The following BST1 variants were observed in gnomAD, a reference collection of about 807,000 sequenced individuals.
BST1 encodes bone marrow stromal cell antigen 1.
BST1 carries 49 observed loss-of-function variants against 40.6 expected under a neutral mutation model. The ratio of observed to expected loss-of-function variants is 1.21; its 90% CI spans 0.96 to 1.53. BST1 has a LOEUF of 1.53. Among genes scored for constraint, BST1 ranks in the 40% most tolerant of loss-of-function variants. The pLI is 0.00. For missense variants in BST1, 423 were observed against 395.9 expected (o/e 1.07, Z -0.58); for synonymous variants, 157 against 159.3 (o/e 0.99, Z 0.11).
the BST1 span, among the ~76,000 whole-genome samples, chr4:15,744,026 G>A: frequency 1.3e-5 from 2 of 152,176 alleles, no homozygotes; most frequent in Non-Finnish European, 2.9e-5. Flanking sequence ...CTTGGGGGAT[G>A]GGATCTTGTC....
chr4:15,755,351 C>G, the BST1 span, among the ~76,000 whole-genome samples: 5 of 152,090 alleles, frequency 3.3e-5, no homozygotes, highest in Non-Finnish European at 7.4e-5. Context: ...GTTTGTCTGG[C>G]TGGTCTTGAA....
chr4:15,757,634 T>A, the BST1 span, among the ~76,000 whole-genome samples: 3 of 151,992 alleles, frequency 2.0e-5, no homozygotes, highest in Admixed American at 1.3e-4. Context: ...CTTTTAAAAA[T>A]TTTATTTATT....
the BST1 span, among the ~76,000 whole-genome samples, chr4:15,747,444 T>G: frequency 2.0e-5 from 3 of 152,168 alleles, no homozygotes; most frequent in Non-Finnish European, 4.4e-5. Flanking sequence ...ATGATATCAC[T>G]ACCATCAATC....
chr4:15,704,040 GGT>G (rs1162993331), intron 1 of BST1, among the ~76,000 whole-genome samples: 7 of 146,348 alleles, frequency 4.8e-5, no homozygotes, highest in African/African-American at 1.8e-4. Flanking sequence ...GTGTTCTAGA[GGT>G]GTGTGTGTAT....
chr4:15,735,427 G>T (rs144953711), downstream of BST1, among the ~76,000 whole-genome samples: 1 of 152,248 alleles, frequency 6.6e-6, no homozygotes, highest in East Asian at 1.9e-4. Flanking sequence ...GAGGGTGGGG[G>T]ATTCTTTAGC....
rs766896495 is a variant in BST1, at chr4:15,707,604, G to A, written c.409G>A (p.Val137Ile). ...MPLSDVLYGR[V>I]ADFLSWCRQK... The stretch of plus-strand genomic sequence containing the variant: ...CCTGAGCGATGTTCTGTATGGCAGG[G>A]TTGCAGATTTCTTGAGCTGGTGTCG... Residue 137 changes from valine (V) to isoleucine (I), a missense_variant, in exon 3 of 9, where the codon GTT becomes ATT. By Grantham distance (29) the Val-to-Ile change is conservative (BLOSUM62 3). Transcript: ENST00000265016. The A allele has an allele frequency of 1.5e-5, 25 of 1,613,966 alleles. No homozygotes were observed. The highest frequency in any genetic ancestry group is 2.0e-5 in the Non-Finnish European group (24 of 1,179,998).
At chr4:15,755,877 C>T in the BST1 span, among the ~76,000 whole-genome samples, 2 of 152,154 alleles carry the variant, frequency 1.3e-5, no homozygotes, top group African/African-American at 4.8e-5. Context: ...CTTATTCCAG[C>T]TTATATTCCA....
chr4:15,704,025 T>C (rs1719729081), intron 1 of BST1, among the ~76,000 whole-genome samples: 1 of 133,068 alleles, frequency 7.5e-6, no homozygotes, highest in Non-Finnish European at 1.6e-5. Context: ...GAGGGGTGCG[T>C]GCATGTGTTC....
chr4:15,703,242 G>A lies in BST1; in HGVS notation c.98G>A (p.Arg33Gln). ...CTGGCGGCGGGCGGGGCGCGCGCGCGGTGGCGCGGGGAGGGCACCAGCGCA... is the reference window on the plus strand; with the variant it reads ...CTGGCGGCGGGCGGGGCGCGCGCGCAGTGGCGCGGGGAGGGCACCAGCGCA... ...LLLAAGGARA[R>Q]WRGEGTSAHL... The change falls in exon 1 of 9, where the codon CGG (arginine) becomes CAG (glutamine). Residue 33 changes from arginine to glutamine, a missense_variant. Coordinates refer to ENST00000265016, the MANE Select transcript of BST1 (RefSeq NM_004334.3). 1 of 1,542,534 alleles carries A rather than the reference G, an allele frequency of 6.5e-7. No individual in the cohort carries two copies. The highest frequency in any genetic ancestry group is 1.4e-5 in the African/African-American group (1 of 72,886).
At chr4:15,731,500 G>C (rs762724409) in intron 8 of BST1, 333 of 1,013,468 alleles carry the variant, frequency 3.3e-4, no homozygotes, top group Non-Finnish European at 4.5e-4. Flanking sequence ...TCCTTCTGGG[G>C]AGTCATAGTT....
chr4:15,719,813 T>C (rs1720711268), intron 7 of BST1, among the ~76,000 whole-genome samples: 1 of 152,210 alleles, frequency 6.6e-6, no homozygotes, highest in Non-Finnish European at 1.5e-5. Context: ...CAAAGCACCC[T>C]AAACGTGTGA....
chr4:15,765,453 C>T, the BST1 span, among the ~76,000 whole-genome samples: 4 of 151,982 alleles, frequency 2.6e-5, no homozygotes, highest in East Asian at 3.8e-4. Flanking sequence ...GCCCCACTTC[C>T]GTTTCTGCTC....
chr4:15,733,649 A>G (rs370234041), downstream of BST1, among the ~76,000 whole-genome samples: 70 of 152,360 alleles, frequency 4.6e-4, 1 homozygote, highest in Middle Eastern at 3.4e-3. Flanking sequence ...GGAAGCAGTC[A>G]TGTCTTACAT....
the BST1 span, among the ~76,000 whole-genome samples, chr4:15,770,362 G>T: frequency 0.16 from 23,613 of 152,018 alleles, 2,004 homozygotes; most frequent in South Asian, 0.26. Flanking sequence ...AACCTTGCTT[G>T]CCCTTCAACA....
At position 15,732,251 on chromosome 4, in the gene BST1, A is replaced by C; in HGVS notation, c.*406A>C. ...CTTAAGACATATGTATACTATATAA[A>C]TGTATGCATATATGGTCTGCAAAGT... On this transcript the variant is annotated 3_prime_UTR_variant, in exon 9 of 9. Coordinates refer to ENST00000265016, the MANE Select transcript of BST1 (RefSeq NM_004334.3). 1.9e-5 allele frequency: 7 copies of C among 363,776 alleles called. No individual in the cohort carries two copies. Among genetic ancestry groups the C allele is most frequent in the Non-Finnish European group, 2.7e-5 (7 of 259,592 alleles). 22.5% of individuals were successfully genotyped at this position (363,776 alleles called of 1,614,324 possible). A position where few individuals can be genotyped will look rare whatever the true frequency, so the allele number is the denominator to read the frequency against.
the BST1 span, among the ~76,000 whole-genome samples, chr4:15,751,200 A>G: frequency 6.6e-6 from 1 of 152,126 alleles, no homozygotes; most frequent in African/African-American, 2.4e-5. Context: ...GGGTTATATG[A>G]ATTAATTTGT....
intron 1 of BST1, chr4:15,704,879 G>GGC (rs1719790023): frequency 1.3e-6 from 1 of 747,248 alleles, no homozygotes; most frequent in African/African-American, 1.7e-5. Flanking sequence ...TGTTTGTGAT[G>GGC]TCTTTCTTGT....
At chr4:15,720,443 C>T (rs559154157) in intron 7 of BST1, among the ~76,000 whole-genome samples, 1 of 151,884 alleles carries the variant, frequency 6.6e-6, no homozygotes, top group Non-Finnish European at 1.5e-5. Flanking sequence ...ATGGTGAAAC[C>T]CCGTCTCTAC....
At chr4:15,738,560 G>C (rs963335936), downstream of BST1, among the ~76,000 whole-genome samples, 1 of 152,134 alleles carries the variant, frequency 6.6e-6, no homozygotes, top group African/African-American at 2.4e-5. Context: ...ATGTTGGAAG[G>C]CAAGAGAGTT....
Sources: allele counts gnomAD v4.1 joint callset (sites outside exome capture counted in the v4.1 genomes callset), GRCh38; gene constraint gnomAD v4.1.1; transcripts MANE v1.5; gene names NCBI Gene and HGNC (gene_info 2026-07-23, HGNC 2026-07-21).